The following DOC2B variants were observed in gnomAD, a reference collection of about 807,000 sequenced individuals.
The protein encoded by DOC2B is double C2-like domain-containing protein beta.
Under a neutral mutation model 28.9 loss-of-function variants are expected in DOC2B, and 21 were observed. The observed-to-expected ratio is 0.73, with a 90% CI of 0.52 to 1.05. DOC2B has a LOEUF of 1.05. Ranked by LOEUF, DOC2B falls within the 50% of genes least tolerant of loss-of-function variation. The pLI, the probability that DOC2B is intolerant of heterozygous loss-of-function variation, is 0.00. For synonymous variants in DOC2B, 194 were observed against 178.1 expected (o/e 1.09, Z -0.71); for missense variants, 384 against 421.1 (o/e 0.91, Z 0.77).
chr17:180,385 G>A (rs2040426258), intron 1 of DOC2B, among the ~76,000 whole-genome samples: 3 of 152,114 alleles, frequency 2.0e-5, no homozygotes, highest in Non-Finnish European at 4.4e-5. Context: ...GCTCAGTCCG[G>A]GAGGAGGGGG....
intron 1 of DOC2B, among the ~76,000 whole-genome samples, chr17:178,376 T>C (rs1192604368): frequency 6.6e-6 from 1 of 152,262 alleles, no homozygotes; most frequent in African/African-American, 2.4e-5. Context: ...TTTAAGCCAC[T>C]CTGAGTTGGT....
intron 1 of DOC2B, among the ~76,000 whole-genome samples, chr17:174,782 C>A (rs147274072): frequency 3.9e-5 from 6 of 152,286 alleles, no homozygotes; most frequent in African/African-American, 1.2e-4. Context: ...TCCCATGAGA[C>A]CAGGTGATGA....
intron 5 of DOC2B, among the ~76,000 whole-genome samples, chr17:159,642 A>T (rs1268276196): frequency 6.6e-6 from 1 of 151,964 alleles, no homozygotes. Context: ...ATAATAATAA[A>T]AGTACCACCA....
At chr17:177,921 C>G (rs2040389453) in intron 1 of DOC2B, among the ~76,000 whole-genome samples, 1 of 152,264 alleles carries the variant, frequency 6.6e-6, no homozygotes, top group Non-Finnish European at 1.5e-5. Context: ...CTGACCCGGT[C>G]CTGGGTGAAC....
intron 2 of DOC2B, among the ~76,000 whole-genome samples, chr17:169,773 C>T (rs2151471923): frequency 6.6e-6 from 1 of 152,168 alleles, no homozygotes; most frequent in Admixed American, 6.5e-5. Flanking sequence ...AGCTCACCCA[C>T]CCTGGGCCCC....
At chr17:165,431 A>G (rs1882989) in intron 2 of DOC2B, among the ~76,000 whole-genome samples, 80,073 of 149,728 alleles carry the variant, frequency 0.53, 21,657 homozygotes, top group East Asian at 0.79. Context: ...GCAGTGAACC[A>G]TGATCGCACC....
intron 6 of DOC2B, among the ~76,000 whole-genome samples, chr17:153,518 C>G (rs1352059268): frequency 6.6e-6 from 1 of 152,142 alleles, no homozygotes; most frequent in Admixed American, 6.5e-5. Context: ...GCCTGGCCAA[C>G]ATGGTGAAAC....
intron 1 of DOC2B, among the ~76,000 whole-genome samples, chr17:178,770 G>A (rs1006370443): frequency 6.6e-6 from 1 of 152,226 alleles, no homozygotes; most frequent in African/African-American, 2.4e-5. Context: ...CAGAGCAACC[G>A]CCCTCATTTC....
Position 146,704 on chromosome 17 carries a change from T to C in DOC2B, c.*737A>G. 6.6e-6 allele frequency: 1 copy of C among 152,452 alleles called. No individual in the cohort carries two copies. The highest frequency in any genetic ancestry group is 1.5e-5 in the Non-Finnish European group (1 of 68,132). The allele number at this position is 152,452 out of a possible 1,614,324, so 9.4% of individuals were successfully genotyped here. ...AAGCACCGCCTCCTCCAGGAAGCCG[T>C]CCCTGACCTCCCGGCAGAGTCAGCA... On this transcript the variant is annotated 3_prime_UTR_variant, in exon 9 of 9. Transcript: ENST00000613549.
intron 1 of DOC2B, among the ~76,000 whole-genome samples, chr17:180,213 C>T (rs1388515478): frequency 6.6e-6 from 1 of 152,362 alleles, no homozygotes; most frequent in Non-Finnish European, 1.5e-5. Flanking sequence ...CCGCGCAAAC[C>T]GACTCCTCAC....
At chr17:173,401 C>T (rs984939592) in intron 1 of DOC2B, among the ~76,000 whole-genome samples, 8 of 152,182 alleles carry the variant, frequency 5.3e-5, no homozygotes, top group African/African-American at 1.9e-4. Context: ...TAGTGGCAGT[C>T]CGCAGACAGC....
intron 1 of DOC2B, 123 bp from the exon 2 acceptor site, chr17:172,739 A>C: frequency 1.4e-6 from 1 of 692,538 alleles, no homozygotes; most frequent in South Asian, 2.1e-5. Flanking sequence ...GCTGCCACCA[A>C]CCAAGCACCT....
Position 142,957 on chromosome 17 carries a change from T to G in DOC2B, c.*4484A>C, listed in dbSNP as rs2039994943. 1 of 152,102 alleles carries G rather than the reference T, an allele frequency of 6.6e-6. No homozygotes were observed. The highest frequency in any genetic ancestry group is 2.1e-4 in the South Asian group (1 of 4,816). The allele number at this position is 152,102 out of a possible 1,614,324, so 9.4% of individuals were successfully genotyped here. A position where few individuals can be genotyped will look rare whatever the true frequency, so the allele number is the denominator to read the frequency against. On this transcript the variant is annotated 3_prime_UTR_variant, in exon 9 of 9. Coordinates refer to ENST00000613549, the MANE Select transcript of DOC2B (RefSeq NM_003585.5). Reference sequence around the variant, plus strand: ...ATACACTAATCTGTGGTTAGGAAGGTTTATTTTTTTCCCTCCAAACCTAAG... The same window carrying G: ...ATACACTAATCTGTGGTTAGGAAGGGTTATTTTTTTCCCTCCAAACCTAAG...
chr17:176,396 G>GGT (rs10664153), intron 1 of DOC2B, among the ~76,000 whole-genome samples: 5 of 151,282 alleles, frequency 3.3e-5, no homozygotes, highest in African/African-American at 1.2e-4. Flanking sequence ...GTTGGTGCGG[G>GGT]GGGTGCGGGG....
intron 1 of DOC2B, among the ~76,000 whole-genome samples, chr17:174,741 A>T (rs2040350236): frequency 6.6e-6 from 1 of 152,206 alleles, no homozygotes; most frequent in Non-Finnish European, 1.5e-5. Context: ...GTGTTGGCGC[A>T]GACAGCTCTC....
chr17:169,148 G>A (rs906008101), intron 2 of DOC2B, among the ~76,000 whole-genome samples: 11 of 152,224 alleles, frequency 7.2e-5, no homozygotes, highest in African/African-American at 2.6e-4. Flanking sequence ...CATTCAGCCT[G>A]AAAAGGAAGT....
rs1242191216 is a variant in DOC2B at position 155,745 on chromosome 17, CCCA to C, written c.923+472_923+474del. ...CCCTGAGTTAGTGTCTCTCCCCAGG[CCCA>C]CCATCAGCCCTGTTGGTAGAGCTGG... On this transcript the variant is annotated intron_variant, in intron 6 of 8. Coordinates refer to ENST00000613549, the MANE Select transcript of DOC2B (RefSeq NM_003585.5). Among the ~76,000 whole-genome samples, 7 of 152,332 alleles carry C rather than the reference CCCA, an allele frequency of 4.6e-5. No homozygotes were observed. In the East Asian group the frequency reaches 5.8e-4, roughly 13 times the overall value.
intron 5 of DOC2B, among the ~76,000 whole-genome samples, chr17:158,079 G>C (rs2040156205): frequency 6.6e-6 from 1 of 152,110 alleles, no homozygotes; most frequent in Non-Finnish European, 1.5e-5. Context: ...GAGCCAAGTA[G>C]GGAGCCCATC....
At chr17:176,030 C>T (rs1182174060) in intron 1 of DOC2B, among the ~76,000 whole-genome samples, 3 of 152,198 alleles carry the variant, frequency 2.0e-5, no homozygotes, top group Non-Finnish European at 4.4e-5. Context: ...GCTGGTGAAG[C>T]TCTCTTACGG....
Sources: allele counts gnomAD v4.1 joint callset (sites outside exome capture counted in the v4.1 genomes callset), GRCh38; gene constraint gnomAD v4.1.1; transcripts MANE v1.5; gene names NCBI Gene and HGNC (gene_info 2026-07-23, HGNC 2026-07-21).